Variants in FHIT observed in about 807,000 individuals in gnomAD.
FHIT encodes bis(5'-adenosyl)-triphosphatase.
In FHIT, 19 loss-of-function variants were observed where a neutral mutation model predicts 17.9. That is an observed-to-expected ratio of 1.06 (90% CI 0.74 to 1.56). The LOEUF is 1.56. Ranked by LOEUF, FHIT falls within the 40% of genes most tolerant of loss-of-function variation. The probability of loss-of-function intolerance (pLI) is 0.00; values close to 1 mark genes in which losing one functional copy is unlikely to be tolerated. For synonymous variants in FHIT, 81 were observed against 69.7 expected (o/e 1.16, Z -0.81); for missense variants, 248 against 189.2 (o/e 1.31, Z -1.82).
At chr3:60,524,047 C>A (rs2035477712) in intron 5 of FHIT, among the ~76,000 whole-genome samples, 1 of 152,072 alleles carries the variant, frequency 6.6e-6, no homozygotes, top group Non-Finnish European at 1.5e-5. Flanking sequence ...CATGGTCAAC[C>A]AGGGTCACTC....
intron 5 of FHIT, among the ~76,000 whole-genome samples, chr3:60,478,562 A>T (rs1439316745): frequency 6.6e-6 from 1 of 152,204 alleles, no homozygotes; most frequent in Non-Finnish European, 1.5e-5. Context: ...AAGAGTAACG[A>T]TCATGGTGAT....
intron 4 of FHIT, among the ~76,000 whole-genome samples, chr3:60,737,361 T>C (rs1261440762): frequency 2.0e-5 from 3 of 152,246 alleles, no homozygotes; most frequent in African/African-American, 7.2e-5. Context: ...TTATAAAGCC[T>C]TAATTAATAA....
intron 7 of FHIT, among the ~76,000 whole-genome samples, chr3:59,991,519 T>C (rs1249842383): frequency 2.0e-5 from 3 of 152,008 alleles, no homozygotes; most frequent in South Asian, 2.1e-4. Context: ...ACCCTGGCTG[T>C]TATTATAATC....
intron 5 of FHIT, among the ~76,000 whole-genome samples, chr3:60,241,510 A>G (rs1410220150): frequency 6.6e-6 from 1 of 152,116 alleles, no homozygotes; most frequent in African/African-American, 2.4e-5. Context: ...ATTTCTATGT[A>G]AAGGTACTAT....
chr3:60,418,420 ATATATACG>A (rs1200437665), intron 5 of FHIT, among the ~76,000 whole-genome samples: 28 of 37,154 alleles, frequency 7.5e-4, no homozygotes, highest in African/African-American at 9.4e-4. Flanking sequence ...ATATATATAT[ATATATACG>A]TGTATACACA....
chr3:60,175,158 A>G (rs1237402505), intron 5 of FHIT, among the ~76,000 whole-genome samples: 2 of 152,108 alleles, frequency 1.3e-5, no homozygotes, highest in Admixed American at 6.5e-5. Flanking sequence ...TGTTAATAAA[A>G]CACCCCTCTT....
At chr3:60,753,222 A>C (rs145607775) in intron 4 of FHIT, among the ~76,000 whole-genome samples, 107 of 152,354 alleles carry the variant, frequency 7.0e-4, no homozygotes, top group African/African-American at 2.5e-3. Context: ...AAGGAAATCT[A>C]GGCTAAAGGG....
intron 4 of FHIT, among the ~76,000 whole-genome samples, chr3:60,630,806 G>C (rs1428125825): frequency 2.0e-5 from 3 of 151,990 alleles, no homozygotes; most frequent in Non-Finnish European, 4.4e-5. Flanking sequence ...TTTATACAGA[G>C]TAATTAAATC....
At chr3:60,590,260 T>C in intron 4 of FHIT, among the ~76,000 whole-genome samples, 1 of 152,052 alleles carries the variant, frequency 6.6e-6, no homozygotes, top group East Asian at 1.9e-4. Context: ...CTAATTCAAA[T>C]GACATCTACT....
chr3:60,650,597 C>A (rs2039968009), intron 4 of FHIT, among the ~76,000 whole-genome samples: 1 of 152,170 alleles, frequency 6.6e-6, no homozygotes, highest in Non-Finnish European at 1.5e-5. Context: ...GGAAATCTAA[C>A]ATAATGTACT....
intron 5 of FHIT, among the ~76,000 whole-genome samples, chr3:60,285,400 T>C (rs1707676627): frequency 6.6e-6 from 1 of 152,130 alleles, no homozygotes; most frequent in African/African-American, 2.4e-5. Flanking sequence ...AAAGTACATT[T>C]TTAAGTTATA....
At chr3:59,984,176 C>A (rs994175596) in intron 7 of FHIT, among the ~76,000 whole-genome samples, 3 of 152,078 alleles carry the variant, frequency 2.0e-5, no homozygotes, top group Admixed American at 6.6e-5. Context: ...ACCTCATATT[C>A]TTTCTCTTTA....
intron 5 of FHIT, among the ~76,000 whole-genome samples, chr3:60,270,785 A>C (rs1706820404): frequency 6.6e-6 from 1 of 152,210 alleles, no homozygotes; most frequent in Admixed American, 6.5e-5. Flanking sequence ...GTAATGGCAA[A>C]AAGAGAAAGA....
At chr3:60,003,194 C>T (rs998196214) in intron 7 of FHIT, among the ~76,000 whole-genome samples, 2 of 152,136 alleles carry the variant, frequency 1.3e-5, no homozygotes, top group African/African-American at 2.4e-5. Flanking sequence ...CAATTCACAT[C>T]CCACATTGCA....
intron 5 of FHIT, among the ~76,000 whole-genome samples, chr3:60,394,301 A>T (rs1350956411): frequency 6.6e-6 from 1 of 152,110 alleles, no homozygotes; most frequent in Non-Finnish European, 1.5e-5. Context: ...AAACAGATCA[A>T]CCCACTCTCT....
intron 8 of FHIT, among the ~76,000 whole-genome samples, chr3:59,779,442 T>C (rs1250549259): frequency 6.6e-6 from 1 of 152,144 alleles, no homozygotes; most frequent in Non-Finnish European, 1.5e-5. Context: ...GAGCCTTCAA[T>C]TAGAATTCTG....
At chr3:60,181,630 GT>G (rs1171798162) in intron 5 of FHIT, among the ~76,000 whole-genome samples, 7 of 152,198 alleles carry the variant, frequency 4.6e-5, no homozygotes, top group African/African-American at 7.2e-5. Context: ...GTAAAGACAT[GT>G]TTAATAAGCA....
intron 5 of FHIT, among the ~76,000 whole-genome samples, chr3:60,040,153 A>G (rs1197198279): frequency 1.7e-5 from 2 of 120,954 alleles, no homozygotes; most frequent in Non-Finnish European, 4.1e-5. Flanking sequence ...TTATTTATTT[A>G]TTTATTTTTT....
At chr3:60,939,795 C>G (rs1708334101) in intron 3 of FHIT, among the ~76,000 whole-genome samples, 1 of 151,940 alleles carries the variant, frequency 6.6e-6, no homozygotes, top group Non-Finnish European at 1.5e-5. Flanking sequence ...TATACATGTT[C>G]TTAAATATTT....
Sources: allele counts gnomAD v4.1 joint callset (sites outside exome capture counted in the v4.1 genomes callset), GRCh38; gene constraint gnomAD v4.1.1; transcripts MANE v1.5; gene names NCBI Gene and HGNC (gene_info 2026-07-23, HGNC 2026-07-21).